The following RANBP2 variants were observed in gnomAD, a reference collection of about 807,000 sequenced individuals.
RANBP2 encodes E3 SUMO-protein ligase RanBP2.
A neutral mutation model predicts 303.6 loss-of-function variants in RANBP2; 57 were observed. The observed-to-expected ratio is 0.19, with a 90% CI of 0.15 to 0.23. RANBP2 has a LOEUF of 0.23. Among genes scored for constraint, RANBP2 ranks in the 10% least tolerant of loss-of-function variants. RANBP2 has a pLI of 1.00. For synonymous variants in RANBP2, 1,167 were observed against 1,301.5 expected (o/e 0.90, Z 2.23); for missense variants, 3,138 against 3,780.8 (o/e 0.83, Z 4.46).
the RANBP2 span, among the ~76,000 whole-genome samples, chr2:109,208,602 A>G: frequency 2.0e-5 from 3 of 152,234 alleles, no homozygotes; most frequent in Non-Finnish European, 4.4e-5. Context: ...TTCAAGTTGC[A>G]TATTTGTAAG....
chr2:109,284,997 G>A, the RANBP2 span, among the ~76,000 whole-genome samples: 1 of 152,270 alleles, frequency 6.6e-6, no homozygotes, highest in Admixed American at 6.5e-5. Context: ...GGGAACAGCT[G>A]CCTCTGGGAG....
At chr2:109,198,919 G>C in the RANBP2 span, among the ~76,000 whole-genome samples, 2 of 152,204 alleles carry the variant, frequency 1.3e-5, no homozygotes, top group Non-Finnish European at 2.9e-5. Flanking sequence ...GCTAAATGCA[G>C]AAAAGGTACA....
chr2:109,466,973 G>T, the RANBP2 span, among the ~76,000 whole-genome samples: 3 of 152,148 alleles, frequency 2.0e-5, no homozygotes, highest in Non-Finnish European at 4.4e-5. Flanking sequence ...GTGTGTGTAT[G>T]TCTTCATACT....
the RANBP2 span, among the ~76,000 whole-genome samples, chr2:109,414,173 G>A: frequency 6.6e-6 from 1 of 152,172 alleles, no homozygotes; most frequent in Non-Finnish European, 1.5e-5. Flanking sequence ...CCTCCTCACT[G>A]TCTCCCAGGC....
the RANBP2 span, chr2:108,912,707 G>GT: frequency 6.2e-7 from 1 of 1,601,142 alleles, no homozygotes; most frequent in Non-Finnish European, 8.5e-7. Context: ...GGGAGACAGG[G>GT]TGCTGCTGCC....
chr2:108,789,683 G>A (rs1332275175), downstream of RANBP2, among the ~76,000 whole-genome samples: 2 of 152,296 alleles, frequency 1.3e-5, no homozygotes, highest in East Asian at 3.9e-4. Context: ...GGTATTGTAT[G>A]CATTGTATTT....
the RANBP2 span, among the ~76,000 whole-genome samples, chr2:109,003,956 C>G: frequency 1.3e-5 from 2 of 152,118 alleles, no homozygotes; most frequent in South Asian, 4.1e-4. Context: ...CCAGGTTCCC[C>G]GAGGTGCAGA....
chr2:108,893,663 C>T, the RANBP2 span, among the ~76,000 whole-genome samples: 3 of 151,838 alleles, frequency 2.0e-5, no homozygotes, highest in Admixed American at 2.0e-4. Flanking sequence ...GCATAAATCA[C>T]TGATAACAAG....
the RANBP2 span, among the ~76,000 whole-genome samples, chr2:109,415,416 G>C: frequency 6.6e-6 from 1 of 152,164 alleles, no homozygotes; most frequent in South Asian, 2.1e-4. Flanking sequence ...CTCAGAGCTG[G>C]GCCCAGCCAT....
At chr2:108,737,338 TTTTTTTTTTTTG>T (rs1265800922) in intron 6 of RANBP2, among the ~76,000 whole-genome samples, 2 of 129,166 alleles carry the variant, frequency 1.5e-5, no homozygotes, top group Non-Finnish European at 1.6e-5. Context: ...TTTCTTTCTT[TTTTTTTTTTTTG>T]TTTTTTTGAG....
At chr2:109,501,501 A>G in the RANBP2 span, 1 of 776,668 alleles carries the variant, frequency 1.3e-6, no homozygotes, top group Non-Finnish European at 2.4e-6. Flanking sequence ...CTGTTTCCCC[A>G]GGTACCGCGT....
At chr2:109,555,681 CAAT>C in the RANBP2 span, among the ~76,000 whole-genome samples, 4 of 152,184 alleles carry the variant, frequency 2.6e-5, no homozygotes, top group Admixed American at 1.3e-4. Context: ...AGCCTGTTAG[CAAT>C]AATATGAACC....
In RANBP2 at chr2:108,731,275, A is replaced by G. The variant is rs746603310; in HGVS notation, c.253-47A>G. The G allele has an allele frequency of 2.5e-6, 4 of 1,595,220 alleles. No homozygotes were observed. The East Asian group carries it at 6.9e-5, about 27-fold the overall frequency. ...TATAAGTATATATACTCCTACATACATACATACAATTTATTTACTAATCTT... is the reference window on the plus strand; with the variant it reads ...TATAAGTATATATACTCCTACATACGTACATACAATTTATTTACTAATCTT... On this transcript the variant is annotated intron_variant, in intron 3 of 28. Coordinates refer to ENST00000283195, the MANE Select transcript of RANBP2 (RefSeq NM_006267.5).
chr2:109,111,963 C>T, the RANBP2 span, among the ~76,000 whole-genome samples: 307 of 152,164 alleles, frequency 2.0e-3, no homozygotes, highest in Admixed American at 3.7e-3. Flanking sequence ...GACATGAACT[C>T]ATCATCTTTT....
chr2:109,445,170 A>G, the RANBP2 span, among the ~76,000 whole-genome samples: 4 of 152,216 alleles, frequency 2.6e-5, no homozygotes, highest in Non-Finnish European at 5.9e-5. Context: ...TGTGAAAGAG[A>G]TGTATAAACA....
At chr2:108,946,201 C>A in the RANBP2 span, among the ~76,000 whole-genome samples, 1 of 152,178 alleles carries the variant, frequency 6.6e-6, no homozygotes, top group African/African-American at 2.4e-5. Flanking sequence ...ACAAAATGCA[C>A]CAGGGCATGA....
chr2:109,490,275 G>A, the RANBP2 span, among the ~76,000 whole-genome samples: 53 of 152,194 alleles, frequency 3.5e-4, no homozygotes, highest in East Asian at 6.6e-3. Flanking sequence ...GCTTGACTCC[G>A]GAGCAGAGGG....
chr2:109,430,602 G>A, the RANBP2 span, among the ~76,000 whole-genome samples: 4 of 151,838 alleles, frequency 2.6e-5, no homozygotes, highest in African/African-American at 7.3e-5. Flanking sequence ...CAGCTTCCCT[G>A]CACAATACAC....
the RANBP2 span, among the ~76,000 whole-genome samples, chr2:108,887,201 T>TG: frequency 2.9e-5 from 1 of 34,896 alleles, no homozygotes; most frequent in Non-Finnish European, 8.1e-5. Context: ...TAAATATGTG[T>TG]CTTATTTCTG....
Sources: gnomAD v4.1 joint callset for allele counts (sites outside exome capture counted in the v4.1 genomes callset) on GRCh38, gnomAD v4.1.1 for gene constraint, MANE v1.5 for transcripts, NCBI Gene and HGNC (gene_info 2026-07-23, HGNC 2026-07-21) for gene names.